Variants in RAP2A observed in about 807,000 individuals in gnomAD.
RAP2A encodes ras-related protein Rap-2a.
Under a neutral mutation model 15.1 loss-of-function variants are expected in RAP2A, and 5 were observed. The observed-to-expected ratio is 0.33, with a 90% CI of 0.17 to 0.70. The LOEUF (loss-of-function observed/expected upper bound fraction) is 0.70. Ranked by LOEUF, RAP2A falls within the 30% of genes least tolerant of loss-of-function variation. RAP2A has a pLI of 0.68. For missense variants in RAP2A, 111 were observed against 240.3 expected (o/e 0.46, Z 3.56); for synonymous variants, 110 against 99.7 (o/e 1.10, Z -0.62).
In RAP2A at chr13:97,464,478, A is replaced by T. The variant is rs1225207719; in HGVS notation, c.*36A>T. 1.4e-5 allele frequency: 23 copies of T among 1,597,938 alleles called. No individual in the cohort carries two copies. Among genetic ancestry groups the T allele is most frequent in the Non-Finnish European group, 1.9e-5 (22 of 1,165,792 alleles). On this transcript the variant is annotated 3_prime_UTR_variant, in exon 2 of 2. Transcript: ENST00000245304. ...TGGCTGTCCTGGATGGGATTTGCCC[A>T]ATGTCGTAGGTGATAGAAAACTCGC...
At chr13:97,445,552 A>C (rs897199072) in intron 1 of RAP2A, among the ~76,000 whole-genome samples, 2 of 152,252 alleles carry the variant, frequency 1.3e-5, no homozygotes, top group Non-Finnish European at 1.5e-5. Flanking sequence ...ATGGTCTAGC[A>C]TTAAGGAACT....
chr13:97,449,934 A>G (rs937337627), intron 1 of RAP2A, among the ~76,000 whole-genome samples: 7 of 151,484 alleles, frequency 4.6e-5, no homozygotes, highest in African/African-American at 1.5e-4. Flanking sequence ...AGTTTTCTAG[A>G]AAGCTGTATT....
At chr13:97,439,706 A>G (rs2066649031) in intron 1 of RAP2A, among the ~76,000 whole-genome samples, 1 of 152,168 alleles carries the variant, frequency 6.6e-6, no homozygotes, top group African/African-American at 2.4e-5. Context: ...TGGGTAGAGT[A>G]TAGAGACAGA....
intron 1 of RAP2A, among the ~76,000 whole-genome samples, chr13:97,445,887 A>G (rs2066677414): frequency 6.6e-6 from 1 of 152,198 alleles, no homozygotes; most frequent in Non-Finnish European, 1.5e-5. Flanking sequence ...GATGACAGAA[A>G]ATGTTTATTC....
At chr13:97,456,537 A>G (rs2066723856) in intron 1 of RAP2A, among the ~76,000 whole-genome samples, 1 of 152,138 alleles carries the variant, frequency 6.6e-6, no homozygotes, top group Non-Finnish European at 1.5e-5. Flanking sequence ...CATCTCCATC[A>G]TCAGTTGGTC....
intron 1 of RAP2A, among the ~76,000 whole-genome samples, chr13:97,451,539 G>A (rs2066702303): frequency 2.0e-5 from 3 of 152,272 alleles, no homozygotes; most frequent in South Asian, 4.1e-4. Flanking sequence ...GATGCCCCTT[G>A]CATGAATATA....
chr13:97,464,580 T>A lies in RAP2A; in HGVS notation c.*138T>A. On this transcript the variant is annotated 3_prime_UTR_variant, in exon 2 of 2. Coordinates refer to ENST00000245304, the MANE Select transcript of RAP2A (RefSeq NM_021033.7). Reference sequence around the variant, plus strand: ...GCAGCCCTTATTCAGAATTGAGCAGTGATTGTCAGTTGATATCTCTGAGTA... The same window carrying A: ...GCAGCCCTTATTCAGAATTGAGCAGAGATTGTCAGTTGATATCTCTGAGTA... 1.3e-6 allele frequency: 1 copy of A among 787,282 alleles called. No individual in the cohort carries two copies. The highest frequency in any genetic ancestry group is 2.1e-6 in the Non-Finnish European group (1 of 483,292). The allele number at this position is 787,282 out of a possible 1,614,324, so 48.8% of individuals were successfully genotyped here.
At chr13:97,455,080 C>A (rs1482743829) in intron 1 of RAP2A, among the ~76,000 whole-genome samples, 2 of 151,254 alleles carry the variant, frequency 1.3e-5, no homozygotes, top group African/African-American at 4.9e-5. Flanking sequence ...TTATACTGTG[C>A]TTTGACATAG....
At chr13:97,448,488 GTCA>G (rs1481871603) in intron 1 of RAP2A, among the ~76,000 whole-genome samples, 5 of 152,260 alleles carry the variant, frequency 3.3e-5, no homozygotes, top group Non-Finnish European at 7.4e-5. Flanking sequence ...TGTTAGTAAA[GTCA>G]TCATCATCAT....
At chr13:97,450,553 CAT>C (rs1343079284) in intron 1 of RAP2A, among the ~76,000 whole-genome samples, 17 of 151,866 alleles carry the variant, frequency 1.1e-4, no homozygotes, top group African/African-American at 4.1e-4. Flanking sequence ...TTTTAAATGA[CAT>C]ATTTTTTATT....
intron 1 of RAP2A, among the ~76,000 whole-genome samples, chr13:97,454,867 G>T (rs976251248): frequency 6.6e-6 from 1 of 151,182 alleles, no homozygotes; most frequent in Non-Finnish European, 1.5e-5. Flanking sequence ...AGTTCTGAAG[G>T]ATATTTTTGC....
At position 97,436,994 on chromosome 13, in the gene RAP2A, C is replaced by G. The variant is rs78924420; in HGVS notation, c.314+2210C>G. Among the ~76,000 whole-genome samples, 363 of 152,288 alleles carry G rather than the reference C, an allele frequency of 2.4e-3. 2 individuals carry two copies. The highest frequency in any genetic ancestry group is 8.1e-3 in the African/African-American group (337 of 41,570). ...TGCAGGTGGCCTCTTCTTTACCAGTCTTTCAGTATTTGATATCTACTGTCA... is the reference window on the plus strand; with the variant it reads ...TGCAGGTGGCCTCTTCTTTACCAGTGTTTCAGTATTTGATATCTACTGTCA... On this transcript the variant is annotated intron_variant, in intron 1 of 1. Coordinates refer to ENST00000245304, the MANE Select transcript of RAP2A (RefSeq NM_021033.7).
intron 1 of RAP2A, among the ~76,000 whole-genome samples, chr13:97,459,692 C>T (rs1357606299): frequency 6.6e-6 from 1 of 152,204 alleles, no homozygotes; most frequent in Non-Finnish European, 1.5e-5. Context: ...AGCCACTTTC[C>T]CAACAAGGCC....
chr13:97,443,454 C>G (rs946205534), intron 1 of RAP2A, among the ~76,000 whole-genome samples: 1 of 152,150 alleles, frequency 6.6e-6, no homozygotes, highest in Admixed American at 6.5e-5. Context: ...GCGGCGCCAT[C>G]AGAGCTTACT....
At chr13:97,453,398 G>A (rs1183761482) in intron 1 of RAP2A, among the ~76,000 whole-genome samples, 4 of 151,000 alleles carry the variant, frequency 2.6e-5, no homozygotes, top group Non-Finnish European at 5.9e-5. Flanking sequence ...CCCATCCTTA[G>A]TCCCTGCCAA....
intron 1 of RAP2A, among the ~76,000 whole-genome samples, chr13:97,444,152 G>T (rs1311046841): frequency 2.6e-5 from 4 of 152,086 alleles, no homozygotes; most frequent in Admixed American, 2.6e-4. Flanking sequence ...TGTGTTTTAA[G>T]TGCTCTAACA....
intron 1 of RAP2A, among the ~76,000 whole-genome samples, chr13:97,455,371 G>A (rs2066718701): frequency 6.6e-6 from 1 of 151,508 alleles, no homozygotes; most frequent in African/African-American, 2.4e-5. Flanking sequence ...TAGGTCATAT[G>A]ACATCTATTG....
At chr13:97,462,103 A>C (rs1341450888) in intron 1 of RAP2A, among the ~76,000 whole-genome samples, 1 of 146,738 alleles carries the variant, frequency 6.8e-6, no homozygotes, top group Non-Finnish European at 1.5e-5. Flanking sequence ...CATTCTTTAA[A>C]ATATTTATCA....
rs959370795 is a variant in RAP2A, at chr13:97,469,062, G to A, written c.*4620G>A. 4 of 151,986 alleles carry A rather than the reference G, an allele frequency of 2.6e-5. No individual in the cohort carries two copies. Among genetic ancestry groups the A allele is most frequent in the Admixed American group, 1.3e-4 (2 of 15,264 alleles). The allele number at this position is 151,986 out of a possible 1,614,324, so 9.4% of individuals were successfully genotyped here. A position where few individuals can be genotyped will look rare whatever the true frequency, so the allele number is the denominator to read the frequency against. On this transcript the variant is annotated 3_prime_UTR_variant, in exon 2 of 2. Transcript: ENST00000245304. Reference sequence around the variant, plus strand: ...ATAGTTGCTCTTCATCTCTTAAATGGATCATTCCAACTGGTTTTACATCGT... The same window carrying A: ...ATAGTTGCTCTTCATCTCTTAAATGAATCATTCCAACTGGTTTTACATCGT...
Sources: allele counts gnomAD v4.1 joint callset (sites outside exome capture counted in the v4.1 genomes callset), GRCh38; gene constraint gnomAD v4.1.1; transcripts MANE v1.5; gene names NCBI Gene and HGNC (gene_info 2026-07-23, HGNC 2026-07-21).